STXBP5L: variants seen among roughly 807,000 people sequenced by gnomAD.
The protein encoded by STXBP5L is syntaxin-binding protein 5-like.
Under a neutral mutation model 144.5 loss-of-function variants are expected in STXBP5L, and 65 were observed. That is an observed-to-expected ratio of 0.45 (90% CI 0.37 to 0.55). The LOEUF (loss-of-function observed/expected upper bound fraction) is 0.55. STXBP5L is among the 20% of genes least tolerant of loss of function. STXBP5L has a pLI of 0.00. For missense variants in STXBP5L, 1,298 were observed against 1,405.5 expected, an observed-to-expected ratio of 0.92 and a Z score of 1.22; for synonymous variants, 505 against 469.6, an observed-to-expected ratio of 1.08 and a Z score of -0.97.
chr3:121,257,735 G>A (rs970881209), intron 17 of STXBP5L, among the ~76,000 whole-genome samples: 1 of 152,062 alleles, frequency 6.6e-6, no homozygotes, highest in African/African-American at 2.4e-5. Flanking sequence ...GAGCAGCCTG[G>A]GCAACATAGC....
Position 121,222,996 on chromosome 3 carries a change from T to C in STXBP5L, c.957-7T>C. The C allele has an allele frequency of 6.3e-7, 1 of 1,590,976 alleles. No individual in the cohort carries two copies. The highest frequency in any genetic ancestry group is 8.5e-7 in the Non-Finnish European group (1 of 1,172,394). ...TCTGAGTCTCATTCATGTTTTTTCC[T>C]ATGTAGCGAACCATTCATAATATTC... On this transcript the variant is annotated splice_polypyrimidine_tract_variant and splice_region_variant and intron_variant, in intron 10 of 26. Coordinates refer to ENST00000471454, the MANE Select transcript of STXBP5L (RefSeq NM_001308330.2).
At chr3:121,372,259 G>A (rs2046054767) in intron 20 of STXBP5L, among the ~76,000 whole-genome samples, 2 of 152,132 alleles carry the variant, frequency 1.3e-5, no homozygotes, top group African/African-American at 4.8e-5. Flanking sequence ...GGGTGCTTAG[G>A]TCAGACTGGC....
intron 19 of STXBP5L, among the ~76,000 whole-genome samples, chr3:121,301,310 T>C (rs973700182): frequency 7.9e-5 from 12 of 152,178 alleles, no homozygotes; most frequent in Non-Finnish European, 1.6e-4. Flanking sequence ...TTTGAAGCAA[T>C]TGTGAATGGG....
chr3:121,111,274 C>A (rs2043975510), intron 5 of STXBP5L, among the ~76,000 whole-genome samples: 1 of 152,152 alleles, frequency 6.6e-6, no homozygotes, highest in African/African-American at 2.4e-5. Flanking sequence ...AGTTCTGTGC[C>A]CTTGCCAGAG....
intron 2 of STXBP5L, among the ~76,000 whole-genome samples, chr3:120,921,232 T>C (rs568098938): frequency 1.1e-4 from 16 of 152,130 alleles, no homozygotes; most frequent in Admixed American, 5.9e-4. Context: ...ATTAGTGATG[T>C]TGAGCATTTT....
intron 19 of STXBP5L, among the ~76,000 whole-genome samples, chr3:121,299,071 C>G (rs566744301): frequency 4.6e-5 from 7 of 152,220 alleles, no homozygotes; most frequent in African/African-American, 1.7e-4. Flanking sequence ...CCTAGCAGAT[C>G]TTGTAAAAAT....
intron 3 of STXBP5L, among the ~76,000 whole-genome samples, chr3:120,979,606 C>A (rs191689115): frequency 5.3e-5 from 8 of 152,240 alleles, no homozygotes; most frequent in Admixed American, 1.3e-4. Flanking sequence ...CCGGTACCTC[C>A]GATGGAAATG....
chr3:121,243,630 T>A lies in STXBP5L; in HGVS notation c.1400+3123T>A, dbSNP rs537032158. On this transcript the variant is annotated intron_variant, in intron 14 of 26. Coordinates refer to ENST00000471454, the MANE Select transcript of STXBP5L (RefSeq NM_001308330.2). Reference sequence around the variant, plus strand: ...ACTGGCAGCACTTGCAGCTATAACATTTATGCCAAGATAACTTTGCCTCAA... The same window carrying A: ...ACTGGCAGCACTTGCAGCTATAACAATTATGCCAAGATAACTTTGCCTCAA... Among the ~76,000 whole-genome samples the A allele has an allele frequency of 1.7e-3, 254 of 152,196 alleles. 1 individual carries two copies. Among genetic ancestry groups the A allele is most frequent in the Non-Finnish European group, 2.4e-3 (162 of 67,980 alleles).
chr3:121,182,110 GATC>G (rs2047180171), intron 9 of STXBP5L, among the ~76,000 whole-genome samples: 1 of 152,134 alleles, frequency 6.6e-6, no homozygotes. Flanking sequence ...GCACTACACA[GATC>G]ATCAAGACAG....
chr3:121,014,687 A>G (rs1945019050), intron 3 of STXBP5L, among the ~76,000 whole-genome samples: 2 of 151,612 alleles, frequency 1.3e-5, no homozygotes, highest in Non-Finnish European at 2.9e-5. Flanking sequence ...GTACAATTTT[A>G]CACTCTCACC....
intron 5 of STXBP5L, among the ~76,000 whole-genome samples, chr3:121,112,545 TCTC>T (rs1326564042): frequency 6.6e-6 from 1 of 151,816 alleles, no homozygotes; most frequent in Admixed American, 6.6e-5. Context: ...TTTTCGTTCT[TCTC>T]TCGCCGTTTT....
At chr3:120,942,122 G>A (rs1710596099) in intron 2 of STXBP5L, among the ~76,000 whole-genome samples, 1 of 151,678 alleles carries the variant, frequency 6.6e-6, no homozygotes, top group African/African-American at 2.4e-5. Flanking sequence ...TAATCGCTGT[G>A]TATAAATAAT....
At chr3:121,095,949 T>G (rs2043100171) in intron 5 of STXBP5L, among the ~76,000 whole-genome samples, 1 of 152,188 alleles carries the variant, frequency 6.6e-6, no homozygotes. Flanking sequence ...GATGGTGACG[T>G]ACAGATGGGG....
At chr3:121,206,586 G>A (rs1329003611) in intron 10 of STXBP5L, among the ~76,000 whole-genome samples, 2 of 152,104 alleles carry the variant, frequency 1.3e-5, no homozygotes, top group African/African-American at 4.8e-5. Flanking sequence ...AAGGCGGGTG[G>A]ATCACCTGAG....
chr3:121,191,255 A>G (rs2047667734), intron 9 of STXBP5L, among the ~76,000 whole-genome samples: 1 of 152,204 alleles, frequency 6.6e-6, no homozygotes, highest in Non-Finnish European at 1.5e-5. Context: ...GCAACATTGA[A>G]CACTGAGTGA....
intron 20 of STXBP5L, among the ~76,000 whole-genome samples, chr3:121,360,444 T>G (rs2045677295): frequency 6.6e-6 from 1 of 152,050 alleles, no homozygotes; most frequent in Admixed American, 6.6e-5. Context: ...TTTTGTTATT[T>G]GTTTTCTGGT....
intron 20 of STXBP5L, among the ~76,000 whole-genome samples, chr3:121,374,705 C>A (rs1560034057): frequency 6.6e-6 from 1 of 151,690 alleles, no homozygotes; most frequent in Non-Finnish European, 1.5e-5. Flanking sequence ...CTAGGCCAAG[C>A]AGAAGAAAGA....
At chr3:121,180,258 G>T (rs1276929231) in intron 9 of STXBP5L, among the ~76,000 whole-genome samples, 1 of 152,196 alleles carries the variant, frequency 6.6e-6, no homozygotes, top group East Asian at 1.9e-4. Flanking sequence ...AACTTTACAA[G>T]CCAGAAGGAA....
intron 20 of STXBP5L, among the ~76,000 whole-genome samples, chr3:121,376,795 T>A (rs536116402): frequency 6.6e-6 from 1 of 152,202 alleles, no homozygotes; most frequent in African/African-American, 2.4e-5. Flanking sequence ...GGGAATAGCA[T>A]TGAATCTATA....
Sources: gnomAD v4.1 joint callset for allele counts (sites outside exome capture counted in the v4.1 genomes callset) on GRCh38, gnomAD v4.1.1 for gene constraint, MANE v1.5 for transcripts, NCBI Gene and HGNC (gene_info 2026-07-23, HGNC 2026-07-21) for gene names.